HEATR6: variants seen among roughly 807,000 people sequenced by gnomAD.
The protein encoded by HEATR6 is HEAT repeat containing 6.
Under a neutral mutation model 132.8 loss-of-function variants are expected in HEATR6, and 106 were observed. The observed-to-expected ratio is 0.80, with a 90% CI of 0.68 to 0.94. HEATR6 has a LOEUF of 0.94. HEATR6 is among the 40% of genes least tolerant of loss of function. The pLI is 0.00. For synonymous variants in HEATR6, 529 were observed against 537.8 expected (o/e 0.98, Z 0.23); for missense variants, 1,339 against 1,425.1 (o/e 0.94, Z 0.97).
chr17:60,068,458 T>C (rs1568637568), intron 7 of HEATR6, among the ~76,000 whole-genome samples: 1 of 151,314 alleles, frequency 6.6e-6, no homozygotes, highest in Non-Finnish European at 1.5e-5. Flanking sequence ...CATATTCTTT[T>C]ATTTGCTATC....
At chr17:60,070,141 TTATC>T (rs928923390) in intron 6 of HEATR6, among the ~76,000 whole-genome samples, 4 of 152,198 alleles carry the variant, frequency 2.6e-5, no homozygotes, top group Non-Finnish European at 5.9e-5. Context: ...TCCAATTACT[TTATC>T]TGTCTATAAT....
At chr17:60,055,368 T>C in intron 14 of HEATR6, 147 bp downstream of exon 14, 1 of 530,716 alleles carries the variant, frequency 1.9e-6, no homozygotes, top group Non-Finnish European at 3.3e-6. Context: ...AACCAATTTA[T>C]ACTAGTTTCA....
intron 7 of HEATR6, among the ~76,000 whole-genome samples, chr17:60,069,345 C>T (rs1166939723): frequency 2.6e-5 from 4 of 152,228 alleles, no homozygotes; most frequent in Non-Finnish European, 4.4e-5. Context: ...TGCTTTTGCA[C>T]TGTTACAATA....
chr17:60,071,903 T>C (rs2083271345), intron 5 of HEATR6, among the ~76,000 whole-genome samples: 1 of 152,234 alleles, frequency 6.6e-6, no homozygotes, highest in Non-Finnish European at 1.5e-5. Flanking sequence ...ATATTGCAGA[T>C]ATATTTGGTG....
intron 7 of HEATR6, 47 bp downstream of exon 7, chr17:60,069,664 C>A (rs748829450): frequency 1.1e-5 from 17 of 1,561,224 alleles, no homozygotes; most frequent in Non-Finnish European, 1.5e-5. Context: ...ACACAACAAT[C>A]TATTAAAAAT....
intron 13 of HEATR6, 94 bp downstream of exon 13, chr17:60,056,021 T>C: frequency 1.5e-6 from 2 of 1,366,882 alleles, no homozygotes; most frequent in Non-Finnish European, 1.0e-6. Context: ...GGCAGAAGAA[T>C]ATAAAGTGAA....
chr17:60,059,497 CATTTGATACTAA>C lies in HEATR6; in HGVS notation c.1636_1647del (p.Leu546_Asn549del), dbSNP rs1465223147. The C allele has an allele frequency of 6.2e-7, 1 of 1,612,852 alleles. No homozygotes were observed. The highest frequency in any genetic ancestry group is 8.5e-7 in the Non-Finnish European group (1 of 1,179,390). On this transcript the variant is annotated inframe_deletion, in exon 11 of 20. Transcript: ENST00000184956. ...CTGAGTTTTAGACGATCATAAGGTG[CATTTGATACTAA>C]ATTTGCAAGGCACTGTAAAACACAA... is the stretch of plus-strand genomic sequence containing the variant.
At chr17:60,063,156 C>G (rs1180132322) in intron 9 of HEATR6, 1 of 152,224 alleles carries the variant, frequency 6.6e-6, no homozygotes, top group Admixed American at 6.5e-5. Context: ...GAGAGAAAAT[C>G]TACCATTCCA....
chr17:60,064,737 T>G (rs1259005316), intron 9 of HEATR6: 1 of 152,202 alleles, frequency 6.6e-6, no homozygotes, highest in Non-Finnish European at 1.5e-5. Context: ...GGTACCTAAA[T>G]CAAGGAGATG....
rs201830616 is a variant in HEATR6, at chr17:60,078,831, A to G, written c.84T>C (p.Asn28=). The G allele has an allele frequency of 3.2e-5, 51 of 1,605,746 alleles. No individual in the cohort carries two copies. The highest frequency in any genetic ancestry group is 3.7e-5 in the Non-Finnish European group (43 of 1,177,194). The change falls in exon 1 of 20, where the codon AAT becomes AAC. Residue 28 remains asparagine, a synonymous_variant. Transcript: ENST00000184956. ...APREAIPERG[N]GFRLLSARLC... is the part of the protein sequence containing the mutation. ...GCCTGGCAGACAAGAGGCGAAACCC[A>G]TTGCCTCGCTCAGGGATTGCTTCCC...
intron 14 of HEATR6, among the ~76,000 whole-genome samples, chr17:60,055,123 A>T (rs533213878): frequency 6.6e-6 from 1 of 152,222 alleles, no homozygotes; most frequent in East Asian, 1.9e-4. Context: ...GCCATATGAC[A>T]TGCCTGCTCC....
At chr17:60,047,233 A>T in intron 18 of HEATR6, 76 bp downstream of exon 18, 1 of 913,190 alleles carries the variant, frequency 1.1e-6, no homozygotes, top group Non-Finnish European at 1.7e-6. Context: ...ACATCAAGCC[A>T]CACTGAACTA....
At chr17:60,051,320 T>C (rs1203574287) in intron 14 of HEATR6, among the ~76,000 whole-genome samples, 1 of 152,244 alleles carries the variant, frequency 6.6e-6, no homozygotes, top group Admixed American at 6.5e-5. Flanking sequence ...CTAAGTATTT[T>C]ACAAGTATCA....
At chr17:60,049,008 A>AT (rs1555666984) in intron 16 of HEATR6, among the ~76,000 whole-genome samples, 3 of 139,160 alleles carry the variant, frequency 2.2e-5, no homozygotes, top group South Asian at 2.3e-4. Context: ...ATATATATAT[A>AT]TATATATATA....
In HEATR6 at chr17:60,045,952, T is replaced by C. The variant is rs565881927; in HGVS notation, c.2974+73A>G. ...TATGACAAATAACATGTGACAAACA[T>C]CTTTAACAACAACGTAGATTGGTGT... On this transcript the variant is annotated intron_variant, in intron 19 of 19. Coordinates refer to ENST00000184956, the MANE Select transcript of HEATR6 (RefSeq NM_022070.5). The C allele has an allele frequency of 1.3e-5, 15 of 1,125,944 alleles. No homozygotes were observed. The African/African-American group carries it at 2.2e-4, about 16-fold the overall frequency. The allele number at this position is 1,125,944 out of a possible 1,614,324, so 69.7% of individuals were successfully genotyped here.
At chr17:60,073,932 T>C (rs553653518) in intron 2 of HEATR6, 46 bp from the exon 3 acceptor site, 15 of 1,589,374 alleles carry the variant, frequency 9.4e-6, no homozygotes, top group Non-Finnish European at 9.4e-6. Flanking sequence ...TTTTAAAAAA[T>C]ATTATGCTTT....
In HEATR6 at chr17:60,047,306, T is replaced by C. The variant is rs779860458; in HGVS notation, c.2769+3A>G. The C allele has an allele frequency of 4.4e-6, 7 of 1,592,532 alleles. No homozygotes were observed. The highest frequency in any genetic ancestry group is 6.0e-6 in the Non-Finnish European group (7 of 1,162,590). ...GAGATACTGGGTTTTGTTGTGAGTC[T>C]ACCTTGTCTTTATCCTTGGATGCTT... On this transcript the variant is annotated splice_donor_region_variant and intron_variant, in intron 18 of 19. Coordinates refer to ENST00000184956, the MANE Select transcript of HEATR6 (RefSeq NM_022070.5).
At chr17:60,048,482 C>T in intron 16 of HEATR6, 94 bp from the exon 17 acceptor site, 1 of 1,203,440 alleles carries the variant, frequency 8.3e-7, no homozygotes, top group Non-Finnish European at 1.1e-6. Context: ...TAGAAGCCTT[C>T]ATGCACATTT....
rs1336885572 is a variant in HEATR6 at position 60,060,027 on chromosome 17, C to T, written c.1486G>A (p.Glu496Lys). ...GCCCTTCTGTGGTCACTGGTATCTT[C>T]AGCAACAGAAAGAAACTGCTTTGAG... ...EGSKQFLSVA[E>K]DTSDHRRAFT... Residue 496 changes from glutamate to lysine, a missense_variant, in exon 10 of 20, where the codon GAA becomes AAA. Glu to Lys is a moderately conservative substitution (Grantham distance 56). Transcript: ENST00000184956. The T allele has an allele frequency of 3.7e-6, 6 of 1,613,904 alleles. No homozygotes were observed. Among genetic ancestry groups the T allele is most frequent in the African/African-American group, 1.3e-5 (1 of 74,890 alleles).
Sources: gnomAD v4.1 joint callset for allele counts (sites outside exome capture counted in the v4.1 genomes callset) on GRCh38, gnomAD v4.1.1 for gene constraint, MANE v1.5 for transcripts, NCBI Gene and HGNC (gene_info 2026-07-23, HGNC 2026-07-21) for gene names.